Variants in GLDC observed in about 807,000 individuals in gnomAD.
GLDC encodes the protein glycine decarboxylase.
In GLDC, 104 loss-of-function variants were observed where a neutral mutation model predicts 121.3. The ratio of observed to expected loss-of-function variants is 0.86; its 90% CI spans 0.73 to 1.01. The LOEUF is 1.01. GLDC is among the 50% of genes least tolerant of loss of function. GLDC has a pLI of 0.00. For synonymous variants in GLDC, 546 were observed against 480.6 expected (o/e 1.14, Z -1.78); for missense variants, 1,429 against 1,306.6 (o/e 1.09, Z -1.44).
chr9:6,644,493 T>G, intron 2 of GLDC, 121 bp downstream of exon 2: 1 of 743,610 alleles, frequency 1.3e-6, no homozygotes, highest in South Asian at 1.4e-5. Flanking sequence ...CACTGTTTTA[T>G]TTTAATCCAC....
chr9:6,625,393 TGG>T (rs1819214486), intron 2 of GLDC, among the ~76,000 whole-genome samples: 1 of 152,152 alleles, frequency 6.6e-6, no homozygotes, highest in Non-Finnish European at 1.5e-5. Flanking sequence ...GCTGCATGCC[TGG>T]AGAAAAATAA....
chr9:6,558,875 T>C (rs926696334), intron 16 of GLDC, among the ~76,000 whole-genome samples, 191 bp from the exon 17 acceptor site: 1 of 152,232 alleles, frequency 6.6e-6, no homozygotes, highest in Non-Finnish European at 1.5e-5. Flanking sequence ...AAAAAAAGTT[T>C]CCATATGAAT....
rs200680938 is a variant in GLDC, at chr9:6,536,060, G to A, written c.2838+4C>T. The A allele has an allele frequency of 5.0e-6, 8 of 1,610,468 alleles. No homozygotes were observed. The highest frequency in any genetic ancestry group is 2.2e-5 in the East Asian group (1 of 44,878). On this transcript the variant is annotated splice_donor_region_variant and intron_variant, in intron 23 of 24. Coordinates refer to ENST00000321612, the MANE Select transcript of GLDC (RefSeq NM_000170.3). Reference sequence around the variant, plus strand: ...TTTCAAGCAATGTTCCAGGGCCTACGCACCTTCAGCGGATTGACCCTGGGG... The same window carrying A: ...TTTCAAGCAATGTTCCAGGGCCTACACACCTTCAGCGGATTGACCCTGGGG...
intron 8 of GLDC, among the ~76,000 whole-genome samples, chr9:6,597,953 G>C (rs548405945): frequency 1.1e-3 from 164 of 152,198 alleles, no homozygotes; most frequent in African/African-American, 3.7e-3. Context: ...AGAAATAAGA[G>C]AATATAAAGA....
intron 11 of GLDC, among the ~76,000 whole-genome samples, chr9:6,590,293 C>A (rs1041173830): frequency 6.6e-6 from 1 of 151,620 alleles, no homozygotes; most frequent in Admixed American, 6.6e-5. Flanking sequence ...GATTTAATAT[C>A]CAGAATATAT....
chr9:6,572,727 G>C (rs1817990343), intron 15 of GLDC, among the ~76,000 whole-genome samples: 1 of 152,134 alleles, frequency 6.6e-6, no homozygotes, highest in African/African-American at 2.4e-5. Flanking sequence ...CCTTTCTTGG[G>C]TCTTACTCAC....
rs556455083 is a variant in GLDC at position 6,644,512 on chromosome 9, A to C, written c.334+102T>G. 2.1e-5 allele frequency: 17 copies of C among 794,284 alleles called. No homozygotes were observed. The African/African-American group carries it at 2.9e-4, about 13-fold the overall frequency. The allele number at this position is 794,284 out of a possible 1,614,324, so 49.2% of individuals were successfully genotyped here. A position where few individuals can be genotyped will look rare whatever the true frequency, so the allele number is the denominator to read the frequency against. On this transcript the variant is annotated intron_variant, in intron 2 of 24. Transcript: ENST00000321612. ...GTTTTATTTTAATCCACACATTCCC[A>C]GTCCTGAGCAATCCTTACCCCAGAG...
intron 3 of GLDC, among the ~76,000 whole-genome samples, chr9:6,619,053 G>C (rs1376827249): frequency 7.0e-6 from 1 of 143,510 alleles, no homozygotes; most frequent in African/African-American, 2.6e-5. Flanking sequence ...TGAGGCAGGA[G>C]AATCACTTGA....
intron 18 of GLDC, among the ~76,000 whole-genome samples, chr9:6,555,700 C>T (rs1050216473): frequency 5.3e-5 from 8 of 152,094 alleles, no homozygotes; most frequent in Non-Finnish European, 1.0e-4. Flanking sequence ...GCTGAGGCAG[C>T]AGAACTGCTT....
rs1818464686 is a variant in GLDC at position 6,595,058 on chromosome 9, T to C, written c.1217A>G (p.His406Arg). 2 of 1,613,254 alleles carry C rather than the reference T, an allele frequency of 1.2e-6. No homozygotes were observed. The highest frequency in any genetic ancestry group is 1.7e-6 in the Non-Finnish European group (2 of 1,179,192). ...GGCATTATGTACCCTCCTAGCAATA[T>C]GCTCCAGCCCATGGGAACCATGGTA... ...AIYHGSHGLE[H>R]IARRVHNATL... Residue 406 changes from histidine (H) to arginine (R), a missense_variant, in exon 9 of 25, where the codon CAT becomes CGT. His to Arg is a conservative substitution (Grantham distance 29). Coordinates refer to ENST00000321612, the MANE Select transcript of GLDC (RefSeq NM_000170.3).
At chr9:6,615,200 T>G (rs538834079) in intron 3 of GLDC, among the ~76,000 whole-genome samples, 1 of 152,304 alleles carries the variant, frequency 6.6e-6, no homozygotes, top group Non-Finnish European at 1.5e-5. Context: ...TAATAGCAAC[T>G]GTAAATTAGC....
rs1818691680 is a variant in GLDC, at chr9:6,604,602, C to T, written c.1044G>A (p.Met348Ile). 6.2e-7 allele frequency: 1 copy of T among 1,612,400 alleles called. No individual in the cohort carries two copies. Among genetic ancestry groups the T allele is most frequent in the Non-Finnish European group, 8.5e-7 (1 of 1,179,772 alleles). ...AGCCCCTTTACCTTGTTACCCCCACCATTCTTCCAGGCATCATTCTCACCA... is the reference window on the plus strand; with the variant it reads ...AGCCCCTTTACCTTGTTACCCCCACTATTCTTCCAGGCATCATTCTCACCA... ...ESLVRMMPGRMVGVTRDATGK... is the reference protein window; with the variant it reads ...ESLVRMMPGRIVGVTRDATGK... The change falls in exon 7 of 25, where the codon ATG (methionine) becomes ATA (isoleucine). Residue 348 changes from methionine to isoleucine, a missense_variant. By Grantham distance (10) the Met-to-Ile change is conservative. Transcript: ENST00000321612.
At chr9:6,616,889 C>T (rs1391449175) in intron 3 of GLDC, among the ~76,000 whole-genome samples, 2 of 152,076 alleles carry the variant, frequency 1.3e-5, no homozygotes, top group Non-Finnish European at 2.9e-5. Context: ...GACAAACACT[C>T]CTGAGATTCT....
chr9:6,540,064 T>C lies in GLDC; in HGVS notation c.2652A>G (p.Arg884=), dbSNP rs1319149624. ...AAAGCCACTTACCATAATCCTGGAG[T>C]CTCTTGGCCACATCCACAGCCTCAA... ...ANIEAVDVAK[R]LQDYGFHAPT... Residue 884 remains arginine (R), a synonymous_variant, in exon 22 of 25, where the codon AGA becomes AGG. Transcript: ENST00000321612. 6.2e-7 allele frequency: 1 copy of C among 1,607,512 alleles called. No individual in the cohort carries two copies. The highest frequency in any genetic ancestry group is 1.1e-5 in the South Asian group (1 of 90,932).
chr9:6,591,221 A>C (rs1455716378), intron 11 of GLDC, among the ~76,000 whole-genome samples: 1 of 152,162 alleles, frequency 6.6e-6, no homozygotes, highest in Non-Finnish European at 1.5e-5. Flanking sequence ...AGCCTTTGTG[A>C]CTGCTTTCTC....
chr9:6,627,832 C>T (rs1225324491), intron 2 of GLDC, among the ~76,000 whole-genome samples: 1 of 152,194 alleles, frequency 6.6e-6, no homozygotes, highest in Non-Finnish European at 1.5e-5. Flanking sequence ...AACATACAGC[C>T]TAGTGAGTGT....
chr9:6,629,752 G>C (rs767781018), intron 2 of GLDC, among the ~76,000 whole-genome samples: 5 of 150,906 alleles, frequency 3.3e-5, no homozygotes, highest in Non-Finnish European at 7.4e-5. Flanking sequence ...ATCTAAAAAT[G>C]CTATACCTAA....
At chr9:6,575,292 T>C (rs1281008403) in intron 15 of GLDC, among the ~76,000 whole-genome samples, 2 of 151,998 alleles carry the variant, frequency 1.3e-5, no homozygotes, top group Non-Finnish European at 2.9e-5. Flanking sequence ...AACTGGTTTG[T>C]GCAGTAGGTA....
At chr9:6,556,884 T>C (rs144823737) in intron 17 of GLDC, among the ~76,000 whole-genome samples, 212 of 152,274 alleles carry the variant, frequency 1.4e-3, no homozygotes, top group African/African-American at 5.0e-3. Flanking sequence ...ATTCACAAGA[T>C]TTTTGGATAT....
Sources: gnomAD v4.1 joint callset for allele counts (sites outside exome capture counted in the v4.1 genomes callset) on GRCh38, gnomAD v4.1.1 for gene constraint, MANE v1.5 for transcripts, NCBI Gene and HGNC (gene_info 2026-07-23, HGNC 2026-07-21) for gene names.